The following CNTNAP4 variants were observed in gnomAD, a reference collection of about 807,000 sequenced individuals.
The protein encoded by CNTNAP4 is contactin-associated protein-like 4.
A neutral mutation model predicts 148.4 loss-of-function variants in CNTNAP4; 98 were observed. That is an observed-to-expected ratio of 0.66 (90% CI 0.56 to 0.78). The LOEUF (loss-of-function observed/expected upper bound fraction) is 0.78, where lower values mean the gene tolerates loss of function less well. Ranked by LOEUF, CNTNAP4 falls within the 30% of genes least tolerant of loss-of-function variation. The probability of loss-of-function intolerance (pLI) is 0.00; values close to 1 mark genes in which losing one functional copy is unlikely to be tolerated. For synonymous variants in CNTNAP4, 730 were observed against 565.1 expected (o/e 1.29, Z -4.14); for missense variants, 1,935 against 1,565.6 (o/e 1.24, Z -3.98).
chr16:76,471,535 C>T (rs1283410886), intron 10 of CNTNAP4, among the ~76,000 whole-genome samples: 1 of 152,088 alleles, frequency 6.6e-6, no homozygotes, highest in Admixed American at 6.5e-5. Context: ...TCCAATCCAC[C>T]CCTACTATCC....
In CNTNAP4 at chr16:76,427,597, A is replaced by G; in HGVS notation, c.536A>G (p.Tyr179Cys). Reference sequence around the variant, plus strand: ...CGAATCGAAGTGTTCGGATGTGCATACAGTAAGTGTTTGTTTATCCAATAC... The same window carrying G: ...CGAATCGAAGTGTTCGGATGTGCATGCAGTAAGTGTTTGTTTATCCAATAC... ...GMRIEVFGCA[Y>C]RSEVVDLDGK... is the part of the protein sequence containing the mutation. The change falls in exon 4 of 24, where the codon TAC (tyrosine) becomes TGC (cysteine). Residue 179 changes from tyrosine to cysteine, a missense_variant and splice_region_variant. Transcript: ENST00000611870. 6.2e-7 allele frequency: 1 copy of G among 1,604,132 alleles called. No homozygotes were observed. The highest frequency in any genetic ancestry group is 1.3e-5 in the African/African-American group (1 of 74,576).
At chr16:76,495,555 C>A (rs1482710291) in intron 14 of CNTNAP4, among the ~76,000 whole-genome samples, 2 of 151,946 alleles carry the variant, frequency 1.3e-5, no homozygotes, top group East Asian at 3.9e-4. Flanking sequence ...AAAAATAGAT[C>A]TGTAACATTT....
intron 3 of CNTNAP4, among the ~76,000 whole-genome samples, chr16:76,383,859 C>T (rs959082840): frequency 9.2e-5 from 14 of 152,064 alleles, no homozygotes; most frequent in South Asian, 2.1e-4. Flanking sequence ...GTCCTGAGTT[C>T]GTCTCTGAAG....
intron 4 of CNTNAP4, among the ~76,000 whole-genome samples, chr16:76,427,980 A>G (rs1275173305): frequency 6.6e-6 from 1 of 152,212 alleles, no homozygotes; most frequent in Non-Finnish European, 1.5e-5. Flanking sequence ...TGTTCCATTT[A>G]GTTTAACCGT....
intron 2 of CNTNAP4, among the ~76,000 whole-genome samples, chr16:76,326,613 C>G (rs961455779): frequency 3.3e-5 from 5 of 152,054 alleles, no homozygotes; most frequent in Non-Finnish European, 2.9e-5. Flanking sequence ...GAATACTATG[C>G]AGCCATAAAA....
chr16:76,533,207 G>A (rs542194397), intron 17 of CNTNAP4, among the ~76,000 whole-genome samples: 20 of 152,210 alleles, frequency 1.3e-4, no homozygotes, highest in Middle Eastern at 3.4e-3. Flanking sequence ...GGAACTGAAG[G>A]GCATTATGTT....
At chr16:76,441,734 T>C (rs914090508) in intron 4 of CNTNAP4, among the ~76,000 whole-genome samples, 2 of 152,196 alleles carry the variant, frequency 1.3e-5, no homozygotes, top group African/African-American at 2.4e-5. Flanking sequence ...GAGTCACAAA[T>C]ACACCAAATG....
At chr16:76,438,660 G>A (rs1036372830) in intron 4 of CNTNAP4, among the ~76,000 whole-genome samples, 4 of 151,896 alleles carry the variant, frequency 2.6e-5, no homozygotes, top group Admixed American at 1.3e-4. Context: ...TTTACTTCCC[G>A]CCAGTGCCAT....
Position 76,541,463 on chromosome 16 carries a change from A to C in CNTNAP4, c.3442+673A>C, listed in dbSNP as rs2084451862. On this transcript the variant is annotated intron_variant, in intron 21 of 23. Transcript: ENST00000611870. ...TTTAATAGATATTTATTTTTTAGTT[A>C]TACATTAATCATTAAGAGTATTGGA... 2.0e-5 allele frequency among the ~76,000 whole-genome samples: 3 copies of C among 152,246 alleles called. No homozygotes were observed. In the South Asian group the frequency reaches 6.2e-4, roughly 31 times the overall value.
chr16:76,367,413 A>G (rs1441020622), intron 3 of CNTNAP4, among the ~76,000 whole-genome samples: 2 of 152,190 alleles, frequency 1.3e-5, no homozygotes, highest in African/African-American at 2.4e-5. Flanking sequence ...AAAGGAAAAG[A>G]TGAAAAATTA....
chr16:76,406,946 T>C (rs2078617976), intron 3 of CNTNAP4, among the ~76,000 whole-genome samples: 1 of 151,966 alleles, frequency 6.6e-6, no homozygotes, highest in Admixed American at 6.6e-5. Context: ...TAAAGGTGGC[T>C]ACACTAAACA....
intron 12 of CNTNAP4, among the ~76,000 whole-genome samples, chr16:76,484,754 G>GT (rs2081965186): frequency 6.6e-6 from 1 of 152,280 alleles, no homozygotes; most frequent in East Asian, 1.9e-4. Flanking sequence ...ACTAGGAAGA[G>GT]TTACCTTCTA....
At chr16:76,486,894 G>C (rs143580904) in intron 12 of CNTNAP4, among the ~76,000 whole-genome samples, 23 of 152,274 alleles carry the variant, frequency 1.5e-4, no homozygotes, top group African/African-American at 5.5e-4. Flanking sequence ...TGCATGTGCA[G>C]GTGGGAAATT....
At chr16:76,403,174 G>A (rs1280780429) in intron 3 of CNTNAP4, among the ~76,000 whole-genome samples, 1 of 151,126 alleles carries the variant, frequency 6.6e-6, no homozygotes, top group Admixed American at 6.6e-5. Flanking sequence ...CTCACTGCAA[G>A]CTCCACCTTC....
At chr16:76,537,681 A>G (rs1366636426) in intron 18 of CNTNAP4, among the ~76,000 whole-genome samples, 4 of 152,130 alleles carry the variant, frequency 2.6e-5, no homozygotes, top group Admixed American at 6.5e-5. Context: ...ATCCTGGGAA[A>G]GAAGAGAGTC....
intron 2 of CNTNAP4, among the ~76,000 whole-genome samples, chr16:76,334,154 A>C (rs1963807002): frequency 1.3e-5 from 2 of 149,860 alleles, no homozygotes; most frequent in Non-Finnish European, 3.0e-5. Flanking sequence ...CACGTTGTGC[A>C]CATGTACCCT....
chr16:76,413,748 A>G (rs2065712961), intron 3 of CNTNAP4, among the ~76,000 whole-genome samples: 1 of 151,280 alleles, frequency 6.6e-6, no homozygotes, highest in African/African-American at 2.4e-5. Context: ...TGTATTTTCT[A>G]CTATAAACCT....
intron 4 of CNTNAP4, among the ~76,000 whole-genome samples, chr16:76,439,969 T>A (rs1278507565): frequency 6.6e-6 from 1 of 152,168 alleles, no homozygotes; most frequent in Non-Finnish European, 1.5e-5. Context: ...TACTTTAATA[T>A]TTCACTATAT....
intron 15 of CNTNAP4, among the ~76,000 whole-genome samples, chr16:76,502,180 C>T (rs9938832): frequency 0.84 from 128,241 of 152,184 alleles, 54,840 homozygotes; most frequent in East Asian, 0.97. Context: ...GCCTCCTGTA[C>T]CTATTTTTAG....
Sources: gnomAD v4.1 joint callset for allele counts (sites outside exome capture counted in the v4.1 genomes callset) on GRCh38, gnomAD v4.1.1 for gene constraint, MANE v1.5 for transcripts, NCBI Gene and HGNC (gene_info 2026-07-23, HGNC 2026-07-21) for gene names.